The following CADM2 variants were observed in gnomAD, a reference collection of about 807,000 sequenced individuals.
The protein encoded by CADM2 is immunoglobulin superfamily member 4D.
CADM2 carries 12 observed loss-of-function variants against 49.8 expected under a neutral mutation model. The ratio of observed to expected loss-of-function variants is 0.24; its 90% CI spans 0.15 to 0.39. The LOEUF (loss-of-function observed/expected upper bound fraction) is 0.39, where lower values mean the gene tolerates loss of function less well. CADM2 is among the 10% of genes least tolerant of loss of function. The pLI is 1.00. For synonymous variants in CADM2, 214 were observed against 175.4 expected, an observed-to-expected ratio of 1.22 and a Z score of -1.74; for missense variants, 378 against 492.3, an observed-to-expected ratio of 0.77 and a Z score of 2.20.
intron 1 of CADM2, among the ~76,000 whole-genome samples, chr3:85,424,511 C>T (rs1246707136): frequency 6.6e-6 from 1 of 152,084 alleles, no homozygotes; most frequent in Admixed American, 6.5e-5. Context: ...GGCTTTGGCT[C>T]TCCTGTCATG....
intron 1 of CADM2, among the ~76,000 whole-genome samples, chr3:85,412,365 A>T (rs939872300): frequency 6.6e-6 from 1 of 152,190 alleles, no homozygotes; most frequent in Non-Finnish European, 1.5e-5. Context: ...TTGCCAAATA[A>T]GTGAAAATTG....
At chr3:85,561,441 A>T (rs1309148785) in intron 1 of CADM2, among the ~76,000 whole-genome samples, 4 of 152,224 alleles carry the variant, frequency 2.6e-5, no homozygotes, top group African/African-American at 9.6e-5. Flanking sequence ...TTTCATCATT[A>T]TCACCAATAA....
intron 3 of CADM2, among the ~76,000 whole-genome samples, chr3:85,868,012 TAAGGTACC>T (rs2075787232): frequency 6.6e-6 from 1 of 152,048 alleles, no homozygotes; most frequent in Non-Finnish European, 1.5e-5. Context: ...ACCTTATTAT[TAAGGTACC>T]AACAATATAA....
At chr3:85,359,649 TA>T (rs2032166278) in intron 1 of CADM2, among the ~76,000 whole-genome samples, 3 of 14,230 alleles carry the variant, frequency 2.1e-4, no homozygotes, top group African/African-American at 3.5e-4. Flanking sequence ...TATATATATA[TA>T]TATATATATA....
intron 1 of CADM2, among the ~76,000 whole-genome samples, chr3:85,130,539 C>T (rs1195345131): frequency 6.6e-6 from 1 of 152,124 alleles, no homozygotes; most frequent in Non-Finnish European, 1.5e-5. Flanking sequence ...AAGCCAGATA[C>T]AGCATAGTGA....
intron 2 of CADM2, among the ~76,000 whole-genome samples, chr3:85,774,189 A>G (rs1275206241): frequency 6.6e-6 from 1 of 151,856 alleles, no homozygotes; most frequent in Non-Finnish European, 1.5e-5. Context: ...CAAATACGGT[A>G]AATGTCTCTC....
At chr3:85,854,269 C>G (rs1685621658) in intron 3 of CADM2, among the ~76,000 whole-genome samples, 1 of 152,016 alleles carries the variant, frequency 6.6e-6, no homozygotes. Context: ...CTCAGCAATC[C>G]CACTACTGGG....
chr3:85,835,527 A>G (rs2074371357), intron 3 of CADM2, among the ~76,000 whole-genome samples: 1 of 150,912 alleles, frequency 6.6e-6, no homozygotes, highest in East Asian at 2.0e-4. Flanking sequence ...TGCTTCCCTG[A>G]TATATCAAAT....
intron 8 of CADM2, among the ~76,000 whole-genome samples, chr3:86,055,217 T>C (rs1737778650): frequency 6.6e-6 from 1 of 152,178 alleles, no homozygotes; most frequent in Non-Finnish European, 1.5e-5. Flanking sequence ...GACATATGCA[T>C]ATGTCCTGTC....
chr3:85,555,868 A>T lies in CADM2; in HGVS notation c.62-170654A>T, dbSNP rs1410652566. Among the ~76,000 whole-genome samples, 4 of 152,144 alleles carry T rather than the reference A, an allele frequency of 2.6e-5. No individual in the cohort carries two copies. In the East Asian group the frequency reaches 7.7e-4, roughly 29 times the overall value. ...GTTTATAGATCAGATTGTAATTGTT[A>T]TTTTAGACATTGAAATAGATTTTAA... is the stretch of plus-strand genomic sequence containing the variant. On this transcript the variant is annotated intron_variant, in intron 1 of 9. Transcript: ENST00000383699.
chr3:85,704,614 C>A (rs1263460637), intron 1 of CADM2, among the ~76,000 whole-genome samples: 1 of 151,968 alleles, frequency 6.6e-6, no homozygotes, highest in Non-Finnish European at 1.5e-5. Context: ...ACCTAATGAC[C>A]TTCTAAAGTT....
At chr3:85,451,606 T>G (rs2037751503) in intron 1 of CADM2, among the ~76,000 whole-genome samples, 1 of 152,100 alleles carries the variant, frequency 6.6e-6, no homozygotes, top group Admixed American at 6.6e-5. Context: ...TTATTCCTCT[T>G]TAAAACCCTC....
At chr3:85,616,133 T>G (rs2063794981) in intron 1 of CADM2, among the ~76,000 whole-genome samples, 1 of 151,780 alleles carries the variant, frequency 6.6e-6, no homozygotes, top group Non-Finnish European at 1.5e-5. Context: ...TAATCCTCAT[T>G]TTAAAAAAAT....
At chr3:85,703,336 T>G (rs1356509242) in intron 1 of CADM2, among the ~76,000 whole-genome samples, 1 of 152,044 alleles carries the variant, frequency 6.6e-6, no homozygotes, top group Admixed American at 6.6e-5. Flanking sequence ...CTCTACTTCT[T>G]GATGATTAGT....
chr3:85,332,434 G>A (rs369490180), intron 1 of CADM2, among the ~76,000 whole-genome samples: 6 of 152,072 alleles, frequency 3.9e-5, no homozygotes, highest in African/African-American at 1.4e-4. Context: ...CTGACACAGA[G>A]GGATCCTTGA....
intron 1 of CADM2, among the ~76,000 whole-genome samples, chr3:85,332,471 C>T (rs1006703458): frequency 6.6e-6 from 1 of 151,834 alleles, no homozygotes; most frequent in Non-Finnish European, 1.5e-5. Context: ...AGATTCCTTC[C>T]TGGGGGCTTT....
chr3:85,627,290 C>CTTCCCT (rs2064155644), intron 1 of CADM2, among the ~76,000 whole-genome samples: 1 of 151,920 alleles, frequency 6.6e-6, no homozygotes, highest in Admixed American at 6.6e-5. Context: ...AATATTTCAC[C>CTTCCCT]TTCCCTGCAG....
At chr3:85,673,189 A>T (rs966602053) in intron 1 of CADM2, among the ~76,000 whole-genome samples, 1 of 152,222 alleles carries the variant, frequency 6.6e-6, no homozygotes, top group African/African-American at 2.4e-5. Context: ...CTGCCTGTGT[A>T]TAGGGACAGA....
At chr3:85,725,437 G>T (rs2067661727) in intron 1 of CADM2, among the ~76,000 whole-genome samples, 1 of 151,840 alleles carries the variant, frequency 6.6e-6, no homozygotes, top group African/African-American at 2.4e-5. Flanking sequence ...CACCAAACAA[G>T]ACTGCACATT....
Sources: allele counts gnomAD v4.1 joint callset (sites outside exome capture counted in the v4.1 genomes callset), GRCh38; gene constraint gnomAD v4.1.1; transcripts MANE v1.5; gene names NCBI Gene and HGNC (gene_info 2026-07-23, HGNC 2026-07-21).